Variants in ZNF75D observed in about 807,000 individuals in gnomAD.
The protein encoded by ZNF75D is zinc finger protein 75.
Under a neutral mutation model 33.3 loss-of-function variants are expected in ZNF75D, and 33 were observed. That is an observed-to-expected ratio of 0.99 (90% CI 0.75 to 1.32). The LOEUF (loss-of-function observed/expected upper bound fraction) is 1.32. Among genes scored for constraint, ZNF75D ranks in the 40% most tolerant of loss-of-function variants. ZNF75D has a pLI of 0.00. For missense variants in ZNF75D, 338 were observed against 367.5 expected, an observed-to-expected ratio of 0.92 and a Z score of 0.66; for synonymous variants, 113 against 130.6, an observed-to-expected ratio of 0.87 and a Z score of 0.92.
downstream of ZNF75D, among the ~76,000 whole-genome samples, chrX:135,285,153 C>T (rs782375367): frequency 9.8e-5 from 11 of 111,753 alleles, no homozygotes; most frequent in Non-Finnish European, 1.5e-4. Context: ...TTTGGCTTAG[C>T]ACTTTCATTC....
chrX:135,291,683 T>G (rs2084043071), intron 4 of ZNF75D, 120 bp from the exon 5 acceptor site: 1 of 1,011,251 alleles, frequency 9.9e-7, no homozygotes, highest in Admixed American at 3.1e-5. Context: ...TTGACAAGTG[T>G]GTGTGTGGTG....
intron 6 of ZNF75D, among the ~76,000 whole-genome samples, chrX:135,290,362 C>T (rs2084020916): frequency 8.9e-6 from 1 of 112,037 alleles, no homozygotes; most frequent in African/African-American, 3.3e-5. Flanking sequence ...ATATGCTCTA[C>T]ATTTAAATTT....
In ZNF75D at chrX:135,293,868, C is replaced by A; in HGVS notation, c.273G>T (p.Met91Ile). ...TGCTCAGGAACTGCTCTAACACCAG[C>A]ATTTCCAAGATCTGCTCTTTTGAGT... ...EIHSKEQILE[M>I]LVLEQFLSIL... Residue 91 changes from methionine (M) to isoleucine (I), a missense_variant, in exon 3 of 7, where the codon ATG (methionine) becomes ATT (isoleucine). Around this residue, in one of 3 missense-constraint regions of ZNF75D, gnomAD observed 254 missense variants for 267.7 expected, o/e 0.95. Transcript: ENST00000370766. 8.3e-7 allele frequency: 1 copy of A among 1,211,710 alleles called. No individual in the cohort carries two copies. Among genetic ancestry groups the A allele is most frequent in the Non-Finnish European group, 1.1e-6 (1 of 895,255 alleles).
At chrX:135,265,385 A>G (rs1453251736) in intron 1 of ZNF75D, among the ~76,000 whole-genome samples, 1 of 111,619 alleles carries the variant, frequency 9.0e-6, no homozygotes, top group Non-Finnish European at 1.9e-5. Flanking sequence ...TTTAACCTAA[A>G]GAAGACTACC....
rs1556421965 is a variant in ZNF75D at position 135,293,862 on chromosome X, C to G, written c.279G>C (p.Val93=). ...GCAGAATGCTCAGGAACTGCTCTAA[C>G]ACCAGCATTTCCAAGATCTGCTCTT... ...HSKEQILEML[V]LEQFLSILPK... Residue 93 remains valine, a synonymous_variant, in exon 3 of 7, where the codon GTG becomes GTC. Coordinates refer to ENST00000370766, the MANE Select transcript of ZNF75D (RefSeq NM_007131.5). The G allele has an allele frequency of 8.3e-7, 1 of 1,211,718 alleles. No individual in the cohort carries two copies. Among genetic ancestry groups the G allele is most frequent in the African/African-American group, 1.7e-5 (1 of 57,880 alleles).
Position 135,302,088 on chromosome X carries a change from C to T in ZNF75D, c.-390-6049G>A, listed in dbSNP as rs1007250528. ...AAGCTATAACTTGGCCCATTTTACC[C>T]GTGGCTGGAGCTGGAGTGGCTGGGA... is the stretch of plus-strand genomic sequence containing the variant. On this transcript the variant is annotated intron_variant, in intron 1 of 6. Coordinates refer to ENST00000370766, the MANE Select transcript of ZNF75D (RefSeq NM_007131.5). Among the ~76,000 whole-genome samples the T allele has an allele frequency of 3.6e-5, 4 of 112,225 alleles. 1 individual carries two copies. The highest frequency in any genetic ancestry group is 7.3e-4 in the South Asian group (2 of 2,727).
rs2084804584 is a variant in ZNF75D at position 135,343,036 on chromosome X, G to T, written c.-1659C>A. ...AGCACACTCTTCACTGCACTGGGGG[G>T]AAATCTGGAGGATGAAGGTTCCAGA... On this transcript the variant is annotated 5_prime_UTR_variant, in exon 1 of 7. Coordinates refer to ENST00000370766, the MANE Select transcript of ZNF75D (RefSeq NM_007131.5). 1 of 111,637 alleles carries T rather than the reference G, an allele frequency of 9.0e-6. No individual in the cohort carries two copies. The highest frequency in any genetic ancestry group is 1.9e-5 in the Non-Finnish European group (1 of 53,202). The allele number at this position is 111,637 out of a possible 1,213,427, so 9.2% of individuals were successfully genotyped here.
chrX:135,331,504 G>A lies in ZNF75D; in HGVS notation c.-391+10264C>T, dbSNP rs1261956333. 2.7e-5 allele frequency among the ~76,000 whole-genome samples: 3 copies of A among 110,380 alleles called. No homozygotes were observed. The Admixed American group carries it at 2.9e-4, about 11-fold the overall frequency. On this transcript the variant is annotated intron_variant, in intron 1 of 6. Transcript: ENST00000370766. ...GAGAAGTGAGAGCTCAAGCTGAAGA[G>A]GGGACAGGGATTGCAAAGAGGTCAG... is the stretch of plus-strand genomic sequence containing the variant.
At chrX:135,310,225 T>G (rs1556427368) in intron 1 of ZNF75D, among the ~76,000 whole-genome samples, 1 of 112,082 alleles carries the variant, frequency 8.9e-6, no homozygotes, top group Non-Finnish European at 1.9e-5. Flanking sequence ...GATGGCTTTT[T>G]TGTGTCATGT....
intron 1 of ZNF75D, among the ~76,000 whole-genome samples, chrX:135,269,475 A>C (rs1047077940): frequency 8.9e-6 from 1 of 112,311 alleles, no homozygotes; most frequent in Non-Finnish European, 1.9e-5. Context: ...CATACAAATG[A>C]CAAAGAGACA....
chrX:135,309,086 C>G (rs900924459), intron 1 of ZNF75D, among the ~76,000 whole-genome samples: 1 of 112,061 alleles, frequency 8.9e-6, no homozygotes, highest in Admixed American at 9.5e-5. Flanking sequence ...ACAGGGAAAA[C>G]TCAGAGGTGA....
intron 1 of ZNF75D, among the ~76,000 whole-genome samples, chrX:135,304,756 T>C (rs1229676670): frequency 8.9e-6 from 1 of 112,739 alleles, no homozygotes; most frequent in Non-Finnish European, 1.9e-5. Context: ...AGAGAGGAAA[T>C]GTAGCTCCAG....
At chrX:135,326,341 G>A (rs1277003587) in intron 1 of ZNF75D, among the ~76,000 whole-genome samples, 4 of 111,607 alleles carry the variant, frequency 3.6e-5, no homozygotes, top group Non-Finnish European at 7.5e-5. Context: ...TGCACCAATC[G>A]ACACTCTGTA....
intron 1 of ZNF75D, among the ~76,000 whole-genome samples, chrX:135,336,662 G>C (rs5930690): frequency 0.25 from 28,230 of 111,181 alleles, 2,827 homozygotes; most frequent in South Asian, 0.43. Flanking sequence ...CCACTTATCC[G>C]GGGCCTTTAG....
chrX:135,339,364 C>A (rs184173028), intron 1 of ZNF75D, among the ~76,000 whole-genome samples: 23 of 112,081 alleles, frequency 2.1e-4, no homozygotes, highest in Admixed American at 6.6e-4. Context: ...TCTGGGCCTG[C>A]AGCTGGAACT....
intron 3 of ZNF75D, among the ~76,000 whole-genome samples, chrX:135,250,402 A>T (rs1208892747): frequency 8.7e-5 from 9 of 103,507 alleles, no homozygotes; most frequent in African/African-American, 2.2e-4. Context: ...AAATTTTTTT[A>T]AACATGCTAT....
chrX:135,262,160 C>A (rs1339373694), intron 1 of ZNF75D, among the ~76,000 whole-genome samples: 4 of 112,217 alleles, frequency 3.6e-5, no homozygotes, highest in African/African-American at 1.3e-4. Flanking sequence ...TCCGAGAGAT[C>A]CACTGTTAGT....
chrX:135,257,553 G>A (rs1237590689), intron 1 of ZNF75D, among the ~76,000 whole-genome samples: 1 of 113,293 alleles, frequency 8.8e-6, no homozygotes, highest in Admixed American at 9.2e-5. Flanking sequence ...CTGGCTCCCA[G>A]ACTGCATCTC....
intron 1 of ZNF75D, among the ~76,000 whole-genome samples, chrX:135,257,087 G>T (rs1364723659): frequency 4.5e-5 from 5 of 112,084 alleles, no homozygotes; most frequent in Non-Finnish European, 9.4e-5. Flanking sequence ...CTTCAGGGAT[G>T]ACCCAGCGTC....
Sources: allele counts gnomAD v4.1 joint callset (sites outside exome capture counted in the v4.1 genomes callset), GRCh38; gene constraint gnomAD v4.1.1; regional missense constraint gnomAD v4.1.1; transcripts MANE v1.5; gene names NCBI Gene and HGNC (gene_info 2026-07-23, HGNC 2026-07-21).